Variants in CSMD1 observed in about 807,000 individuals in gnomAD.
CSMD1 encodes CUB and sushi domain-containing protein 1.
CSMD1 carries 213 observed loss-of-function variants against 417.5 expected under a neutral mutation model. That is an observed-to-expected ratio of 0.51 (90% CI 0.46 to 0.57). CSMD1 has a LOEUF of 0.57. Among genes scored for constraint, CSMD1 ranks in the 20% least tolerant of loss-of-function variants. The pLI is 0.00. For synonymous variants in CSMD1, 2,862 were observed against 1,736.8 expected (o/e 1.65, Z -16.11); for missense variants, 6,923 against 4,529.7 (o/e 1.53, Z -15.17).
chr8:3,367,227 T>C lies in CSMD1; in HGVS notation c.2920A>G (p.Thr974Ala), dbSNP rs753611989. The C allele has an allele frequency of 1.2e-6, 2 of 1,611,230 alleles. No homozygotes were observed. The highest frequency in any genetic ancestry group is 3.3e-5 in the Admixed American group (2 of 59,788). The change falls in exon 20 of 70, where the codon ACC (threonine) becomes GCC (alanine). Residue 974 changes from threonine (T) to alanine (A), a missense_variant. By Grantham distance (58) the Thr-to-Ala change is moderately conservative (BLOSUM62 0). Transcript: ENST00000635120. Reference protein sequence around the residue: ...HGKGVQMIFHTFHLESSHDYL... With the variant: ...HGKGVQMIFHAFHLESSHDYL... ...TCGTGGGAACTCTCAAGATGAAAGGTGTGAAAGATCATTTGAACTCCTGAG... is the reference window on the plus strand; with the variant it reads ...TCGTGGGAACTCTCAAGATGAAAGGCGTGAAAGATCATTTGAACTCCTGAG...
At chr8:4,229,041 A>T (rs1044396654) in intron 3 of CSMD1, among the ~76,000 whole-genome samples, 1 of 152,160 alleles carries the variant, frequency 6.6e-6, no homozygotes, top group African/African-American at 2.4e-5. Flanking sequence ...TGTCTTCTCA[A>T]CCACCTGGGA....
intron 12 of CSMD1, among the ~76,000 whole-genome samples, chr8:3,456,218 C>G (rs1245201799): frequency 6.6e-6 from 1 of 152,124 alleles, no homozygotes; most frequent in Admixed American, 6.5e-5. Context: ...TCACCCCTTT[C>G]TTTGACTAGG....
intron 34 of CSMD1, among the ~76,000 whole-genome samples, 192 bp downstream of exon 34, chr8:3,189,720 G>A (rs1268242795): frequency 6.6e-6 from 1 of 151,876 alleles, no homozygotes; most frequent in African/African-American, 2.4e-5. Flanking sequence ...TTGTTAAGAT[G>A]ATGAGTTGTT....
At chr8:4,341,836 C>T (rs569248977) in intron 3 of CSMD1, among the ~76,000 whole-genome samples, 2 of 152,086 alleles carry the variant, frequency 1.3e-5, no homozygotes, top group African/African-American at 2.4e-5. Flanking sequence ...TGCATAATAA[C>T]AGAAGGATGC....
chr8:3,154,782 G>C (rs1318696942), intron 39 of CSMD1, among the ~76,000 whole-genome samples: 1 of 152,120 alleles, frequency 6.6e-6, no homozygotes, highest in Non-Finnish European at 1.5e-5. Flanking sequence ...TAGAGAAGTG[G>C]TTTTATATAC....
chr8:4,730,407 T>G (rs1267346465), intron 1 of CSMD1, among the ~76,000 whole-genome samples: 2 of 152,064 alleles, frequency 1.3e-5, no homozygotes, highest in African/African-American at 4.8e-5. Flanking sequence ...AAAAAGTAGT[T>G]GAGTTAGGTG....
At chr8:3,726,923 A>C (rs937828870) in intron 6 of CSMD1, among the ~76,000 whole-genome samples, 1 of 152,242 alleles carries the variant, frequency 6.6e-6, no homozygotes, top group Admixed American at 6.5e-5. Flanking sequence ...TCATACACAG[A>C]TAACCTAACA....
intron 5 of CSMD1, among the ~76,000 whole-genome samples, chr8:3,963,589 A>C (rs75335900): frequency 0.018 from 2,762 of 152,292 alleles, 90 homozygotes; most frequent in African/African-American, 0.063. Context: ...CTAAGTAAAC[A>C]AAAAATAAAG....
rs535971616 is a variant in CSMD1 at position 4,014,687 on chromosome 8, A to G, written c.611-16577T>C. 4.6e-5 allele frequency among the ~76,000 whole-genome samples: 7 copies of G among 152,316 alleles called. No individual in the cohort carries two copies. The East Asian group carries it at 1.2e-3, about 25-fold the overall frequency. On this transcript the variant is annotated intron_variant, in intron 4 of 69. Transcript: ENST00000635120. ...CTCGTCTGAGCTGTGCCAACTTGTG[A>G]TGAGGCTGGAGCTAGAATGACAAAG...
chr8:3,893,339 T>TTTTATATATATATATATATATA (rs1554476820), intron 5 of CSMD1, among the ~76,000 whole-genome samples: 11 of 80,460 alleles, frequency 1.4e-4, no homozygotes, highest in South Asian at 5.4e-4. Flanking sequence ...ATTCACAATT[T>TTTTATATATATATATATATATA]TATATATATA....
chr8:4,099,645 G>A (rs1801204951), intron 3 of CSMD1, among the ~76,000 whole-genome samples: 1 of 150,918 alleles, frequency 6.6e-6, no homozygotes, highest in South Asian at 2.1e-4. Context: ...CTTGGGTTCA[G>A]AATAAACCAA....
At chr8:3,525,380 TG>T (rs1430486221) in intron 10 of CSMD1, among the ~76,000 whole-genome samples, 1 of 152,090 alleles carries the variant, frequency 6.6e-6, no homozygotes, top group African/African-American at 2.4e-5. Context: ...AATTCTAAGG[TG>T]GATTTAATTT....
At chr8:4,384,957 G>A (rs1372053391) in intron 3 of CSMD1, among the ~76,000 whole-genome samples, 2 of 152,128 alleles carry the variant, frequency 1.3e-5, no homozygotes, top group East Asian at 3.9e-4. Context: ...AATTTCCTCT[G>A]TCACCCAGGA....
chr8:3,299,749 A>G (rs1324294297), intron 25 of CSMD1, among the ~76,000 whole-genome samples: 1 of 152,210 alleles, frequency 6.6e-6, no homozygotes, highest in African/African-American at 2.4e-5. Context: ...TCACATGTCA[A>G]AAAAGTCAAC....
intron 5 of CSMD1, among the ~76,000 whole-genome samples, chr8:3,866,177 T>A (rs988522435): frequency 2.0e-5 from 3 of 152,234 alleles, no homozygotes; most frequent in Admixed American, 1.3e-4. Flanking sequence ...CACAACTACA[T>A]ACACATCTAA....
At chr8:3,607,846 G>A (rs1243559146) in intron 8 of CSMD1, among the ~76,000 whole-genome samples, 7 of 152,138 alleles carry the variant, frequency 4.6e-5, no homozygotes, top group African/African-American at 1.7e-4. Flanking sequence ...GCAGAAAGGA[G>A]ATGATACTTG....
intron 5 of CSMD1, among the ~76,000 whole-genome samples, chr8:3,790,199 G>C (rs769613167): frequency 6.6e-6 from 1 of 152,206 alleles, no homozygotes; most frequent in Admixed American, 6.5e-5. Flanking sequence ...TTTGCATCTA[G>C]TGAATCAGTG....
chr8:3,087,086 G>A lies in CSMD1; in HGVS notation c.7474+11C>T, dbSNP rs777900017. On this transcript the variant is annotated intron_variant, in intron 49 of 69. Coordinates refer to ENST00000635120, the MANE Select transcript of CSMD1 (RefSeq NM_033225.6). ...AGGAAACAAGGCTGGGGATGAAAAC[G>A]CATTTCTTACCCTGGCAGAGTGGCG... The A allele has an allele frequency of 5.6e-6, 9 of 1,609,358 alleles. No homozygotes were observed. Among genetic ancestry groups the A allele is most frequent in the Admixed American group, 5.0e-5 (3 of 59,984 alleles).
intron 5 of CSMD1, among the ~76,000 whole-genome samples, chr8:3,847,546 G>A (rs767824702): frequency 2.6e-5 from 4 of 152,144 alleles, no homozygotes; most frequent in Admixed American, 6.5e-5. Flanking sequence ...ATCACAGACT[G>A]AAGGAGTCCT....
Sources: allele counts gnomAD v4.1 joint callset (sites outside exome capture counted in the v4.1 genomes callset), GRCh38; gene constraint gnomAD v4.1.1; transcripts MANE v1.5; gene names NCBI Gene and HGNC (gene_info 2026-07-23, HGNC 2026-07-21).